The following FN1 variants were observed in gnomAD, a reference collection of about 807,000 sequenced individuals.
FN1 encodes fibronectin 1.
FN1 carries 106 observed loss-of-function variants against 297.3 expected under a neutral mutation model. The ratio of observed to expected loss-of-function variants is 0.36; its 90% CI spans 0.30 to 0.42. The LOEUF is 0.42. Ranked by LOEUF, FN1 falls within the 10% of genes least tolerant of loss-of-function variation. The pLI is 1.00. For missense variants in FN1, 2,690 were observed against 3,124.9 expected (o/e 0.86, Z 3.32); for synonymous variants, 1,149 against 1,152.6 (o/e 1.00, Z 0.06).
At chr2:215,435,448 C>G (rs1285097662) in intron 1 of FN1, among the ~76,000 whole-genome samples, 1 of 152,198 alleles carries the variant, frequency 6.6e-6, no homozygotes, top group African/African-American at 2.4e-5. Context: ...GCAGAGTCCT[C>G]GTCCTCCAAT....
At chr2:215,374,444 TC>T (rs2056879777) in intron 38 of FN1, among the ~76,000 whole-genome samples, 1 of 152,128 alleles carries the variant, frequency 6.6e-6, no homozygotes, top group African/African-American at 2.4e-5. Context: ...ATGGGGTGGT[TC>T]CCCCAGGCTG....
intron 8 of FN1, 65 bp from the exon 9 acceptor site, chr2:215,423,591 A>AT: frequency 1.3e-6 from 2 of 1,482,376 alleles, no homozygotes; most frequent in Non-Finnish European, 1.9e-6. Flanking sequence ...TGTACACAGA[A>AT]TTACTGGTCT....
chr2:215,393,536 T>C (rs925786768), intron 24 of FN1: 3 of 153,460 alleles, frequency 2.0e-5, no homozygotes, highest in African/African-American at 7.2e-5. Flanking sequence ...TCAAAACCAT[T>C]CTTAGAGCCT....
At chr2:215,411,518 A>C (rs1196841233) in intron 13 of FN1, among the ~76,000 whole-genome samples, 1 of 152,160 alleles carries the variant, frequency 6.6e-6, no homozygotes. Context: ...TTTCAACATG[A>C]GCTTGTTTGG....
At chr2:215,428,069 CT>C in intron 6 of FN1, 110 bp downstream of exon 6, 1 of 1,301,566 alleles carries the variant, frequency 7.7e-7, no homozygotes, top group Non-Finnish European at 1.1e-6. Context: ...AGGTTATTAG[CT>C]GAAACACTGC....
Position 215,367,869 on chromosome 2 carries a change from A to C in FN1, c.7012T>G (p.Ser2338Ala). The change falls in exon 42 of 46, where the codon TCA becomes GCA. Residue 2338 changes from serine to alanine, a missense_variant. Around this residue, in one of 3 missense-constraint regions of FN1, gnomAD observed 1,743 missense variants for 1,945.2 expected, o/e 0.90. Coordinates refer to ENST00000354785, the MANE Select transcript of FN1 (RefSeq NM_212482.4). ...GFGSGHFRCD[S>A]SRWCHDNGVN... ...GGACAAAGCAACTACTCACTAGATG[A>C]ATCACATCTGAAATGACCACTTCCA... 2 of 1,614,016 alleles carry C rather than the reference A, an allele frequency of 1.2e-6. No homozygotes were observed. Among genetic ancestry groups the C allele is most frequent in the Non-Finnish European group, 1.7e-6 (2 of 1,179,910 alleles).
intron 5 of FN1, 94 bp downstream of exon 5, chr2:215,430,621 G>A: frequency 7.0e-7 from 1 of 1,419,840 alleles, no homozygotes; most frequent in Middle Eastern, 2.0e-4. Flanking sequence ...CTGATATACT[G>A]GATGTGTTCT....
chr2:215,374,267 C>T (rs1224809154), intron 38 of FN1, among the ~76,000 whole-genome samples: 1 of 152,140 alleles, frequency 6.6e-6, no homozygotes, highest in African/African-American at 2.4e-5. Flanking sequence ...CCTGTTCCCC[C>T]CAATTCTAAA....
chr2:215,409,505 C>A, intron 15 of FN1, 58 bp downstream of exon 15: 2 of 1,563,170 alleles, frequency 1.3e-6, no homozygotes, highest in Non-Finnish European at 1.8e-6. Context: ...CCCACCCCCA[C>A]AAGGAGAGTT....
Position 215,408,393 on chromosome 2 carries a change from G to A in FN1, c.2333C>T (p.Pro778Leu), listed in dbSNP as rs1398513755. 3 of 1,614,026 alleles carry A rather than the reference G, an allele frequency of 1.9e-6. No individual in the cohort carries two copies. The highest frequency in any genetic ancestry group is 2.5e-6 in the Non-Finnish European group (3 of 1,180,028). The change falls in exon 16 of 46, where the codon CCT (proline) becomes CTT (leucine). Residue 778 changes from proline (P) to leucine (L), a missense_variant. This residue lies in a region of FN1 where 876 missense variants were observed against 1,058.1 expected (regional missense o/e 0.83). Coordinates refer to ENST00000354785, the MANE Select transcript of FN1 (RefSeq NM_212482.4). ...LPSTATSVNI[P>L]DLLPGRKYIV... The stretch of plus-strand genomic sequence containing the variant: ...GTATTTTCGGCCAGGAAGCAGGTCA[G>A]GGATGTTCACAGAAGTGGCTGTGCT...
chr2:215,366,769 C>T (rs940842759), intron 42 of FN1, among the ~76,000 whole-genome samples: 5 of 152,238 alleles, frequency 3.3e-5, no homozygotes, highest in Admixed American at 6.5e-5. Context: ...ATGAACTTGA[C>T]ATCCCCGCTC....
intron 19 of FN1, among the ~76,000 whole-genome samples, chr2:215,405,481 C>T (rs1372926370): frequency 6.6e-6 from 1 of 152,158 alleles, no homozygotes; most frequent in Non-Finnish European, 1.5e-5. Flanking sequence ...CGATGGCTCA[C>T]GCCTGTAATC....
At chr2:215,418,011 T>C (rs1028844510) in intron 12 of FN1, among the ~76,000 whole-genome samples, 1 of 152,318 alleles carries the variant, frequency 6.6e-6, no homozygotes, top group South Asian at 2.1e-4. Context: ...TTGCATCATA[T>C]AAACAAACAA....
In FN1 at chr2:215,401,259, A is replaced by AAAGAAAGAAAGAAAGG. The variant is rs1187788957; in HGVS notation, c.3254-1909_3254-1908insCCTTTCTTTCTTTCTT. Among the ~76,000 whole-genome samples the AAAGAAAGAAAGAAAGG allele has an allele frequency of 2.5e-3, 203 of 81,804 alleles. 7 individuals carry two copies. Among genetic ancestry groups the AAAGAAAGAAAGAAAGG allele is most frequent in the African/African-American group, 7.0e-3 (145 of 20,786 alleles). The allele number at this position is 81,804 out of a possible 152,430, so 53.7% of individuals were successfully genotyped here. A position where few individuals can be genotyped will look rare whatever the true frequency, so the allele number is the denominator to read the frequency against. On this transcript the variant is annotated intron_variant, in intron 20 of 45. Transcript: ENST00000354785. The stretch of plus-strand genomic sequence containing the variant: ...GAAAGAAAGAAAGAAAGGAAGAAAG[A>AAAGAAAGAAAGAAAGG]AAGGAAGGAAAGGAAAGGAAAGGAA...
intron 5 of FN1, among the ~76,000 whole-genome samples, chr2:215,429,028 C>T (rs528992045): frequency 1.3e-5 from 2 of 151,452 alleles, no homozygotes; most frequent in East Asian, 3.9e-4. Flanking sequence ...CAAAACAAAA[C>T]AAAACAAAAC....
At position 215,428,253 on chromosome 2, in the gene FN1, C is replaced by G; in HGVS notation, c.771G>C (p.Gln257His). The G allele has an allele frequency of 6.2e-7, 1 of 1,614,252 alleles. No homozygotes were observed. Among genetic ancestry groups the G allele is most frequent in the Non-Finnish European group, 8.5e-7 (1 of 1,180,050 alleles). The change falls in exon 6 of 46, where the codon CAG (glutamine) becomes CAC (histidine). Residue 257 changes from glutamine to histidine, a missense_variant. By Grantham distance (24) the Gln-to-His change is conservative (BLOSUM62 0). Around this residue, in one of 3 missense-constraint regions of FN1, gnomAD observed 876 missense variants for 1,058.1 expected, o/e 0.83. Coordinates refer to ENST00000354785, the MANE Select transcript of FN1 (RefSeq NM_212482.4). ...CTCGGCCGTTGCCTGTGCAGATGCA[C>G]TGGAGCAGGTTTCCTCGATTATCCT... Reference protein sequence around the residue: ...SKKDNRGNLLQCICTGNGRGE... With the variant: ...SKKDNRGNLLHCICTGNGRGE...
chr2:215,422,202 G>A lies in FN1; in HGVS notation c.1435C>T (p.Arg479Cys), dbSNP rs2064520566. Residue 479 changes from arginine (R) to cysteine (C), a missense_variant, in exon 10 of 46, where the codon CGC (arginine) becomes TGC (cysteine). This residue lies in a region of FN1 where 876 missense variants were observed against 1,058.1 expected (regional missense o/e 0.83). Transcript: ENST00000354785. The part of the protein sequence containing the change: ...ICTTNEGVMY[R>C]IGDQWDKQHD... The stretch of plus-strand genomic sequence containing the variant: ...TGCTTATCCCACTGATCTCCAATGC[G>A]GTACATGACCCCTTCATTGGTTGTG... The A allele has an allele frequency of 1.2e-6, 2 of 1,613,906 alleles. No individual in the cohort carries two copies. The highest frequency in any genetic ancestry group is 2.2e-5 in the East Asian group (1 of 44,882).
intron 43 of FN1, 44 bp from the exon 44 acceptor site, chr2:215,365,029 A>G: frequency 4.0e-6 from 5 of 1,265,522 alleles, no homozygotes; most frequent in South Asian, 3.8e-5. Context: ...GCTGAGAACA[A>G]TACTGCAGAC....
Position 215,399,266 on chromosome 2 carries a change from A to T in FN1, c.3339T>A (p.Ile1113=). The change falls in exon 21 of 46, where the codon ATT becomes ATA. Residue 1113 remains isoleucine (I), a synonymous_variant. Coordinates refer to ENST00000354785, the MANE Select transcript of FN1 (RefSeq NM_212482.4). ...IVITWTPAPR[I]GFKLGVRPSQ... ...AACATCTGCAGTTTACCTTAAAACC[A>T]ATTCTTGGAGCAGGCGTCCATGTGA... 2 of 1,612,938 alleles carry T rather than the reference A, an allele frequency of 1.2e-6. No individual in the cohort carries two copies. Among genetic ancestry groups the T allele is most frequent in the South Asian group, 1.1e-5 (1 of 91,074 alleles).
Sources: gnomAD v4.1 joint callset for allele counts (sites outside exome capture counted in the v4.1 genomes callset) on GRCh38, gnomAD v4.1.1 for gene constraint, gnomAD v4.1.1 regional missense constraint, MANE v1.5 for transcripts, NCBI Gene and HGNC (gene_info 2026-07-23, HGNC 2026-07-21) for gene names.